Variants in MYO5A observed in about 807,000 individuals in gnomAD.
MYO5A encodes the protein unconventional myosin-Va.
A neutral mutation model predicts 249.7 loss-of-function variants in MYO5A; 98 were observed. That is an observed-to-expected ratio of 0.39 (90% CI 0.33 to 0.46). MYO5A has a LOEUF of 0.46. Among genes scored for constraint, MYO5A ranks in the 20% least tolerant of loss-of-function variants. MYO5A has a pLI of 0.98. For missense variants in MYO5A, 1,696 were observed against 2,308.8 expected (o/e 0.73, Z 5.44); for synonymous variants, 778 against 810.6 (o/e 0.96, Z 0.68).
chr15:52,465,196 G>A (rs1281394723), intron 1 of MYO5A, among the ~76,000 whole-genome samples: 3 of 152,198 alleles, frequency 2.0e-5, no homozygotes, highest in African/African-American at 7.2e-5. Context: ...GCTGCTGGCT[G>A]AGACACCTTA....
chr15:52,327,735 A>T lies in MYO5A; in HGVS notation c.4710+117T>A, dbSNP rs188443481. 1.5e-5 allele frequency: 17 copies of T among 1,111,414 alleles called. No homozygotes were observed. The African/African-American group carries it at 2.5e-4, about 16-fold the overall frequency. 68.8% of individuals were successfully genotyped at this position (1,111,414 alleles called of 1,614,324 possible). A position where few individuals can be genotyped will look rare whatever the true frequency, so the allele number is the denominator to read the frequency against. On this transcript the variant is annotated intron_variant, in intron 36 of 41. Transcript: ENST00000399233. ...AAAATAGATAGGTAAGTAAATAAAA[A>T]TTGGAAAGTTTTAATAACAAGCAAC...
chr15:52,341,857 A>ACAC (rs1278208986), intron 31 of MYO5A, among the ~76,000 whole-genome samples: 7 of 152,240 alleles, frequency 4.6e-5, no homozygotes, highest in African/African-American at 1.4e-4. Flanking sequence ...GAGCAGATGA[A>ACAC]TGTCTGTGTT....
chr15:52,498,489 T>A (rs573093477), intron 1 of MYO5A, among the ~76,000 whole-genome samples: 55 of 152,312 alleles, frequency 3.6e-4, no homozygotes, highest in African/African-American at 1.2e-3. Context: ...AGTGTGATTT[T>A]AAAAAATATT....
intron 20 of MYO5A, among the ~76,000 whole-genome samples, chr15:52,373,028 G>C (rs2041211633): frequency 6.6e-6 from 1 of 151,976 alleles, no homozygotes; most frequent in Non-Finnish European, 1.5e-5. Flanking sequence ...TTCTAGTGAG[G>C]ATTTTCCATT....
chr15:52,523,831 T>C (rs2077673283), intron 1 of MYO5A, among the ~76,000 whole-genome samples: 1 of 152,176 alleles, frequency 6.6e-6, no homozygotes, highest in African/African-American at 2.4e-5. Flanking sequence ...ACAGCTAACA[T>C]CCTTGCCAAA....
chr15:52,446,294 G>A (rs955231168), intron 1 of MYO5A, among the ~76,000 whole-genome samples: 1 of 152,254 alleles, frequency 6.6e-6, no homozygotes, highest in East Asian at 1.9e-4. Flanking sequence ...GGTCAAAAAA[G>A]CCGGGGTACA....
intron 1 of MYO5A, among the ~76,000 whole-genome samples, chr15:52,457,711 A>G (rs2076147759): frequency 2.0e-5 from 3 of 152,226 alleles, no homozygotes; most frequent in Admixed American, 6.5e-5. Context: ...AGATTTTTCA[A>G]AAGTCTAAAA....
intron 1 of MYO5A, among the ~76,000 whole-genome samples, chr15:52,441,630 A>C (rs1365483078): frequency 6.6e-6 from 1 of 152,158 alleles, no homozygotes; most frequent in African/African-American, 2.4e-5. Context: ...CTTCAGCAGC[A>C]AGCTCCTATT....
chr15:52,438,690 C>T (rs756894776), intron 1 of MYO5A, among the ~76,000 whole-genome samples: 2 of 152,232 alleles, frequency 1.3e-5, no homozygotes, highest in South Asian at 2.1e-4. Context: ...AAGAGCACAG[C>T]GGGAGGGACA....
At position 52,403,908 on chromosome 15, in the gene MYO5A, C is replaced by T. The variant is rs933389681; in HGVS notation, c.1053+1379G>A. On this transcript the variant is annotated intron_variant, in intron 9 of 41. Transcript: ENST00000399233. ...TATTCATAAAGAAAATCGTAAGGAT[C>T]AAGCTTTCTGTAAACCAAACTGTCT... Among the ~76,000 whole-genome samples, 3 of 152,090 alleles carry T rather than the reference C, an allele frequency of 2.0e-5. No homozygotes were observed. In the East Asian group the frequency reaches 5.8e-4, roughly 29 times the overall value.
At chr15:52,429,879 C>T (rs1534201) in intron 2 of MYO5A, among the ~76,000 whole-genome samples, 7,519 of 152,190 alleles carry the variant, frequency 0.049, 252 homozygotes, top group South Asian at 0.14. Context: ...GCTGGGATTA[C>T]AGGTGTGAGT....
At chr15:52,324,307 C>T (rs994070986) in intron 36 of MYO5A, among the ~76,000 whole-genome samples, 4 of 152,020 alleles carry the variant, frequency 2.6e-5, no homozygotes, top group Non-Finnish European at 4.4e-5. Flanking sequence ...ACTGGGCCAC[C>T]GTGGCAGGAA....
chr15:52,368,079 G>C (rs1442613007), intron 22 of MYO5A, among the ~76,000 whole-genome samples: 1 of 152,180 alleles, frequency 6.6e-6, no homozygotes, highest in African/African-American at 2.4e-5. Flanking sequence ...CTAAGCTAAA[G>C]TTTAAGGAAC....
chr15:52,484,204 T>A (rs753552598), intron 1 of MYO5A, among the ~76,000 whole-genome samples: 1 of 152,212 alleles, frequency 6.6e-6, no homozygotes, highest in Non-Finnish European at 1.5e-5. Context: ...TTGTAGCAAG[T>A]TGAACGTATT....
Position 52,405,302 on chromosome 15 carries a change from G to C in MYO5A, c.1038C>G (p.Asp346Glu). Residue 346 changes from aspartate to glutamate, a missense_variant, in exon 9 of 42, where the codon GAC becomes GAG. Asp to Glu is a conservative substitution (Grantham distance 45). Around this residue, in one of 5 missense-constraint regions of MYO5A, gnomAD observed 185 missense variants for 204.8 expected, o/e 0.90. Coordinates refer to ENST00000399233, the MANE Select transcript of MYO5A (RefSeq NM_001382347.1). ...CTGAACTTACAGGTATTGTGCAGCT[G>C]TCTGCATCTCGGGATGTAAATCCAA... Reference protein sequence around the residue: ...GNVGFTSRDADSCTIPPKHEP... With the variant: ...GNVGFTSRDAESCTIPPKHEP... 1 of 1,611,544 alleles carries C rather than the reference G, an allele frequency of 6.2e-7. No homozygotes were observed. Among genetic ancestry groups the C allele is most frequent in the Non-Finnish European group, 8.5e-7 (1 of 1,177,706 alleles).
intron 1 of MYO5A, among the ~76,000 whole-genome samples, chr15:52,442,623 C>A (rs767137232): frequency 3.9e-5 from 6 of 152,118 alleles, no homozygotes; most frequent in Non-Finnish European, 5.9e-5. Context: ...AATAACTAAC[C>A]CCAGTACTAA....
intron 1 of MYO5A, among the ~76,000 whole-genome samples, chr15:52,474,872 G>C (rs2076557696): frequency 6.6e-6 from 1 of 152,154 alleles, no homozygotes; most frequent in African/African-American, 2.4e-5. Context: ...TCTCTGCCAG[G>C]CTTTGGTATC....
chr15:52,516,839 C>G (rs2077506241), intron 1 of MYO5A, among the ~76,000 whole-genome samples: 1 of 152,128 alleles, frequency 6.6e-6, no homozygotes, highest in Non-Finnish European at 1.5e-5. Flanking sequence ...AACATATTAT[C>G]AGGTAATTTT....
chr15:52,346,092 CA>C (rs1255942688), intron 30 of MYO5A, among the ~76,000 whole-genome samples: 5 of 152,206 alleles, frequency 3.3e-5, no homozygotes, highest in Non-Finnish European at 5.9e-5. Flanking sequence ...CTTCTCAAGG[CA>C]GCCCCTTAAA....
Sources: allele counts gnomAD v4.1 joint callset (sites outside exome capture counted in the v4.1 genomes callset), GRCh38; gene constraint gnomAD v4.1.1; regional missense constraint gnomAD v4.1.1; transcripts MANE v1.5; gene names NCBI Gene and HGNC (gene_info 2026-07-23, HGNC 2026-07-21).